Variants in FGF14 observed in about 807,000 individuals in gnomAD.
The protein encoded by FGF14 is fibroblast growth factor homologous factor 4.
A neutral mutation model predicts 25.5 loss-of-function variants in FGF14; 5 were observed. That is an observed-to-expected ratio of 0.20 (90% confidence interval 0.10 to 0.41). The LOEUF (loss-of-function observed/expected upper bound fraction) is 0.41. Ranked by LOEUF, FGF14 falls within the 10% of genes least tolerant of loss-of-function variation. FGF14 has a pLI of 1.00. For synonymous variants in FGF14, 138 were observed against 118.3 expected (o/e 1.17, Z -1.08); for missense variants, 222 against 320.1 (o/e 0.69, Z 2.34).
chr13:101,961,289 T>C (rs1345819805), intron 1 of FGF14, among the ~76,000 whole-genome samples: 2 of 152,154 alleles, frequency 1.3e-5, no homozygotes, highest in African/African-American at 4.8e-5. Flanking sequence ...TGGTACTGCC[T>C]AGATTTTCTT....
chr13:102,068,505 A>AG (rs2042999626), intron 1 of FGF14, among the ~76,000 whole-genome samples: 1 of 152,172 alleles, frequency 6.6e-6, no homozygotes. Flanking sequence ...AGGGCTGCGT[A>AG]CAGTGCTTGC....
chr13:102,161,623 A>C lies in FGF14; in HGVS notation c.208+239848T>G, dbSNP rs1481377956. Among the ~76,000 whole-genome samples, 5 of 19,348 alleles carry C rather than the reference A, an allele frequency of 2.6e-4. 1 individual carries two copies. The highest frequency in any genetic ancestry group is 2.4e-3 in the East Asian group (2 of 832). 12.7% of individuals were successfully genotyped at this position (19,348 alleles called of 152,430 possible). On this transcript the variant is annotated intron_variant, in intron 1 of 4. Transcript: ENST00000376131. Reference sequence around the variant, plus strand: ...GAAGAAGAAGAAGAAGAAGAAGAAGAAGAAGAAGAAGAAGAAGAAGAAGAA... The same window carrying C: ...GAAGAAGAAGAAGAAGAAGAAGAAGCAGAAGAAGAAGAAGAAGAAGAAGAA...
At chr13:102,244,210 CTGTAG>C (rs1187770023) in intron 1 of FGF14, among the ~76,000 whole-genome samples, 7 of 151,920 alleles carry the variant, frequency 4.6e-5, no homozygotes, top group Admixed American at 4.6e-4. Flanking sequence ...TTGAGGAGTA[CTGTAG>C]ATCTGTGCTG....
At chr13:102,257,045 G>A (rs554665731) in intron 1 of FGF14, among the ~76,000 whole-genome samples, 14 of 152,132 alleles carry the variant, frequency 9.2e-5, no homozygotes, top group African/African-American at 3.1e-4. Flanking sequence ...AAGGAAAAAG[G>A]AGAATTGGCT....
At chr13:101,726,114 T>C (rs1046573444) in intron 4 of FGF14, among the ~76,000 whole-genome samples, 1 of 151,906 alleles carries the variant, frequency 6.6e-6, no homozygotes, top group Non-Finnish European at 1.5e-5. Context: ...TCTTTAAGAG[T>C]CAAGCTATTA....
rs920508661 is a variant in FGF14 at position 101,713,030 on chromosome 13, A to G, written c.*9801T>C. The G allele has an allele frequency of 7.9e-5, 12 of 152,204 alleles. No homozygotes were observed. Among genetic ancestry groups the G allele is most frequent in the African/African-American group, 2.9e-4 (12 of 41,438 alleles). The allele number at this position is 152,204 out of a possible 1,614,324, so 9.4% of individuals were successfully genotyped here. A position where few individuals can be genotyped will look rare whatever the true frequency, so the allele number is the denominator to read the frequency against. On this transcript the variant is annotated 3_prime_UTR_variant, in exon 5 of 5. Transcript: ENST00000376143. ...GGAAAACAAGTCAAGACTAAATACAATTATGCCATAGCTACGCAAGAAGTT... is the reference window on the plus strand; with the variant it reads ...GGAAAACAAGTCAAGACTAAATACAGTTATGCCATAGCTACGCAAGAAGTT...
intron 1 of FGF14, among the ~76,000 whole-genome samples, chr13:102,328,464 C>G (rs1455134868): frequency 6.6e-6 from 1 of 152,214 alleles, no homozygotes; most frequent in Admixed American, 6.5e-5. Flanking sequence ...CCTCTATTTT[C>G]CCACATAAAG....
chr13:102,392,446 T>A (rs1432829847), intron 1 of FGF14, among the ~76,000 whole-genome samples: 1 of 152,186 alleles, frequency 6.6e-6, no homozygotes. Context: ...TTCCCAGTCC[T>A]AAGGATTTTC....
chr13:102,180,930 T>C (rs578438), intron 1 of FGF14, among the ~76,000 whole-genome samples: 4,871 of 152,252 alleles, frequency 0.032, 255 homozygotes, highest in African/African-American at 0.11. Flanking sequence ...CAACTGGGAT[T>C]AATTTCTAAT....
At chr13:102,300,179 A>G (rs1415539319) in intron 1 of FGF14, 3 of 152,112 alleles carry the variant, frequency 2.0e-5, no homozygotes, top group Non-Finnish European at 4.4e-5. Context: ...ATATACCAGA[A>G]CTGATTGTTT....
chr13:101,830,215 A>AT (rs985579074), intron 3 of FGF14, among the ~76,000 whole-genome samples: 1 of 151,996 alleles, frequency 6.6e-6, no homozygotes, highest in South Asian at 2.1e-4. Context: ...CAACCATTTG[A>AT]TTTTTTTCTC....
chr13:101,910,425 C>G (rs1264614107), intron 1 of FGF14, among the ~76,000 whole-genome samples: 1 of 152,030 alleles, frequency 6.6e-6, no homozygotes, highest in Admixed American at 6.6e-5. Flanking sequence ...TAGCTGTATG[C>G]CAGGCACTGG....
rs2139616911 is a variant in FGF14 at position 101,714,239 on chromosome 13, C to G, written c.*8592G>C. 1.7e-6 allele frequency: 1 copy of G among 583,274 alleles called. No individual in the cohort carries two copies. The highest frequency in any genetic ancestry group is 2.8e-5 in the East Asian group (1 of 35,108). The allele number at this position is 583,274 out of a possible 1,614,324, so 36.1% of individuals were successfully genotyped here. On this transcript the variant is annotated 3_prime_UTR_variant, in exon 5 of 5. Transcript: ENST00000376143. ...AAGGCTAATTGCAACTGTCTAGATCCATAATGAAGGCTTTCCTGGGTGACC... is the reference window on the plus strand; with the variant it reads ...AAGGCTAATTGCAACTGTCTAGATCGATAATGAAGGCTTTCCTGGGTGACC...
At chr13:101,796,224 T>A (rs2040512466) in intron 3 of FGF14, among the ~76,000 whole-genome samples, 4 of 152,122 alleles carry the variant, frequency 2.6e-5, no homozygotes, top group Admixed American at 2.0e-4. Flanking sequence ...AACCCATTAC[T>A]AAAATTCATT....
chr13:101,965,068 C>T (rs539751839), intron 1 of FGF14, among the ~76,000 whole-genome samples: 2 of 152,010 alleles, frequency 1.3e-5, no homozygotes, highest in African/African-American at 4.8e-5. Flanking sequence ...ATGGGGAGAC[C>T]CCCTTGTCTA....
intron 3 of FGF14, among the ~76,000 whole-genome samples, chr13:101,831,888 G>A (rs1454320559): frequency 1.3e-5 from 2 of 152,078 alleles, no homozygotes; most frequent in Non-Finnish European, 2.9e-5. Context: ...AGGATTGGTA[G>A]AAATAAGCTG....
intron 1 of FGF14, among the ~76,000 whole-genome samples, chr13:101,985,455 T>C (rs888808951): frequency 6.6e-5 from 10 of 152,240 alleles, no homozygotes; most frequent in African/African-American, 2.2e-4. Context: ...GTTAAGATGA[T>C]TGCATTCCTA....
intron 1 of FGF14, among the ~76,000 whole-genome samples, chr13:101,893,952 C>A (rs2030199977): frequency 6.6e-6 from 1 of 151,772 alleles, no homozygotes; most frequent in Non-Finnish European, 1.5e-5. Flanking sequence ...CCAGAGGCAT[C>A]ATAAGGCAGG....
At chr13:101,797,258 G>T (rs2040580356) in intron 3 of FGF14, among the ~76,000 whole-genome samples, 1 of 152,094 alleles carries the variant, frequency 6.6e-6, no homozygotes, top group African/African-American at 2.4e-5. Flanking sequence ...GTAGCAGGAT[G>T]CTGGAGTATA....
Sources: gnomAD v4.1 joint callset for allele counts (sites outside exome capture counted in the v4.1 genomes callset) on GRCh38, gnomAD v4.1.1 for gene constraint, MANE v1.5 for transcripts, NCBI Gene and HGNC (gene_info 2026-07-23, HGNC 2026-07-21) for gene names.